The following PRELID2 variants were observed in gnomAD, a reference collection of about 807,000 sequenced individuals.
PRELID2 encodes PRELI domain containing 2.
A neutral mutation model predicts 28.4 loss-of-function variants in PRELID2; 25 were observed. That is an observed-to-expected ratio of 0.88 (90% CI 0.64 to 1.23). The LOEUF is 1.23. Among genes scored for constraint, PRELID2 ranks in the 50% most tolerant of loss-of-function variants. PRELID2 has a pLI of 0.00. For missense variants in PRELID2, 201 were observed against 214.4 expected (o/e 0.94, Z 0.39); for synonymous variants, 76 against 71.6 (o/e 1.06, Z -0.31).
chr5:145,753,936 A>C (rs529821648), downstream of PRELID2, among the ~76,000 whole-genome samples: 16 of 152,060 alleles, frequency 1.1e-4, no homozygotes, highest in East Asian at 3.1e-3. Context: ...CACCTTCCTC[A>C]GTCTTTCCAA....
the PRELID2 span, among the ~76,000 whole-genome samples, chr5:145,281,192 C>A: frequency 6.6e-6 from 1 of 152,126 alleles, no homozygotes; most frequent in Admixed American, 6.5e-5. Context: ...TAGTGGGCTT[C>A]TGCTAGGTCC....
At chr5:145,233,276 C>G in the PRELID2 span, among the ~76,000 whole-genome samples, 1 of 152,174 alleles carries the variant, frequency 6.6e-6, no homozygotes, top group East Asian at 1.9e-4. Flanking sequence ...GAACCAGGTT[C>G]TCTTTGTCTG....
intron 4 of PRELID2, among the ~76,000 whole-genome samples, chr5:145,798,200 T>C (rs890586143): frequency 1.8e-4 from 27 of 151,626 alleles, no homozygotes; most frequent in African/African-American, 6.3e-4. Flanking sequence ...ATAAAAAGAA[T>C]AAAGAAAAGT....
chr5:145,530,200 A>G, intron 1 of PRELID2, among the ~76,000 whole-genome samples: 1 of 152,120 alleles, frequency 6.6e-6, no homozygotes, highest in East Asian at 1.9e-4. Flanking sequence ...GAATACATTT[A>G]CAGTAGATAG....
At chr5:145,296,460 T>C in the PRELID2 span, among the ~76,000 whole-genome samples, 31 of 151,578 alleles carry the variant, frequency 2.0e-4, no homozygotes, top group African/African-American at 5.1e-4. Context: ...TTTGTTCTTG[T>C]GATAGTTTAC....
At chr5:145,559,630 GAA>G (rs1025226808) in intron 1 of PRELID2, among the ~76,000 whole-genome samples, 2 of 151,972 alleles carry the variant, frequency 1.3e-5, no homozygotes, top group African/African-American at 4.8e-5. Flanking sequence ...TTATTTCTAA[GAA>G]AAGTCTGGCT....
intron 5 of PRELID2, among the ~76,000 whole-genome samples, chr5:145,782,172 A>C (rs1029109738): frequency 3.9e-5 from 6 of 152,154 alleles, no homozygotes; most frequent in Non-Finnish European, 8.8e-5. Context: ...CTTCAAAGTC[A>C]TATGTACACC....
chr5:145,282,224 T>C, the PRELID2 span, among the ~76,000 whole-genome samples: 4 of 152,214 alleles, frequency 2.6e-5, no homozygotes, highest in Non-Finnish European at 2.9e-5. Context: ...TGATTGAATT[T>C]ACTTTCATTA....
At chr5:145,374,088 T>C in the PRELID2 span, among the ~76,000 whole-genome samples, 1 of 151,466 alleles carries the variant, frequency 6.6e-6, no homozygotes, top group Non-Finnish European at 1.5e-5. Context: ...GATTGGTCTT[T>C]ATATTTTGGT....
Position 145,757,893 on chromosome 5 carries a change from A to G in PRELID2, c.*2643T>C, listed in dbSNP as rs1457571008. Among the ~76,000 whole-genome samples, 1 of 151,810 alleles carries G rather than the reference A, an allele frequency of 6.6e-6. No individual in the cohort carries two copies. The highest frequency in any genetic ancestry group is 2.4e-5 in the African/African-American group (1 of 41,362). On this transcript the variant is annotated 3_prime_UTR_variant, in exon 7 of 7. Transcript: ENST00000683046. ...GGAAGCAATAGCTGCCTGCAGGGGGAAAATTACTGAGTGAGGAAAAGTAAT... is the reference window on the plus strand; with the variant it reads ...GGAAGCAATAGCTGCCTGCAGGGGGGAAATTACTGAGTGAGGAAAAGTAAT...
chr5:145,709,994 G>T (rs1377970334), intron 1 of PRELID2, among the ~76,000 whole-genome samples: 2 of 152,110 alleles, frequency 1.3e-5, no homozygotes, highest in Admixed American at 6.5e-5. Context: ...TATTTATGGG[G>T]TTTTTTAAAT....
At chr5:145,488,454 G>C (rs1752241514) in intron 1 of PRELID2, among the ~76,000 whole-genome samples, 1 of 152,004 alleles carries the variant, frequency 6.6e-6, no homozygotes, top group Non-Finnish European at 1.5e-5. Flanking sequence ...TACTGTTTTT[G>C]TTTAGTTCAG....
At chr5:145,732,058 G>A (rs139312537) in intron 1 of PRELID2, among the ~76,000 whole-genome samples, 1 of 152,208 alleles carries the variant, frequency 6.6e-6, no homozygotes, top group African/African-American at 2.4e-5. Flanking sequence ...TATCACTAAA[G>A]GTAGCTATAA....
the PRELID2 span, among the ~76,000 whole-genome samples, chr5:145,364,276 T>G: frequency 6.6e-6 from 1 of 151,992 alleles, no homozygotes; most frequent in Admixed American, 6.6e-5. Flanking sequence ...CGGATTCTGA[T>G]GAAAATTTGA....
intron 1 of PRELID2, among the ~76,000 whole-genome samples, chr5:145,502,705 C>G (rs1468891246): frequency 1.3e-5 from 2 of 152,122 alleles, no homozygotes; most frequent in Non-Finnish European, 2.9e-5. Context: ...TACATAGCAA[C>G]CACTCAATAT....
rs1435573692 is a variant in PRELID2, at chr5:145,475,359, T to C, written n.71-2044A>G. ...GAATGTTACCAGGGCCCAGAAAATA[T>C]TGTGGGCATGATAAGACTTCCACTT... On this transcript the variant is annotated intron_variant and non_coding_transcript_variant, in intron 1 of 2. Coordinates refer to the PRELID2 transcript ENST00000510259. 2.0e-5 allele frequency among the ~76,000 whole-genome samples: 3 copies of C among 152,146 alleles called. No individual in the cohort carries two copies. The East Asian group carries it at 5.8e-4, about 29-fold the overall frequency.
intron 1 of PRELID2, among the ~76,000 whole-genome samples, chr5:145,624,163 G>A (rs900797136): frequency 3.3e-5 from 5 of 152,142 alleles, no homozygotes; most frequent in South Asian, 2.1e-4. Flanking sequence ...GATCCTCCAC[G>A]GCTTCTCAGA....
the PRELID2 span, among the ~76,000 whole-genome samples, chr5:145,234,597 T>C: frequency 6.6e-6 from 1 of 152,130 alleles, no homozygotes; most frequent in African/African-American, 2.4e-5. Flanking sequence ...ATTTTCTTGG[T>C]GGCCTAGTCC....
intron 1 of PRELID2, among the ~76,000 whole-genome samples, chr5:145,829,331 C>A (rs1755431137): frequency 6.6e-6 from 1 of 152,158 alleles, no homozygotes; most frequent in African/African-American, 2.4e-5. Context: ...TATTCATGCT[C>A]ACTCTCTCCT....
Sources: gnomAD v4.1 joint callset for allele counts (sites outside exome capture counted in the v4.1 genomes callset) on GRCh38, gnomAD v4.1.1 for gene constraint, MANE v1.5 for transcripts, NCBI Gene and HGNC (gene_info 2026-07-23, HGNC 2026-07-21) for gene names.